PRKD3: variants seen among roughly 807,000 people sequenced by gnomAD.
PRKD3 encodes the protein protein kinase D3.
A neutral mutation model predicts 99.2 loss-of-function variants in PRKD3; 47 were observed. The ratio of observed to expected loss-of-function variants is 0.47; its 90% CI spans 0.38 to 0.60. The LOEUF is 0.60. PRKD3 is among the 20% of genes least tolerant of loss of function. The pLI is 0.00. For synonymous variants in PRKD3, 392 were observed against 355.4 expected (o/e 1.10, Z -1.16); for missense variants, 1,019 against 1,088.4 (o/e 0.94, Z 0.90).
intron 7 of PRKD3, 99 bp from the exon 8 acceptor site, chr2:37,280,028 C>A: frequency 8.6e-6 from 6 of 697,606 alleles, no homozygotes; most frequent in South Asian, 2.2e-5. Flanking sequence ...AAGAAAATAT[C>A]TTTATGAGTT....
At chr2:37,282,867 TATGTC>T (rs1439642064) in intron 6 of PRKD3, among the ~76,000 whole-genome samples, 4 of 152,302 alleles carry the variant, frequency 2.6e-5, no homozygotes, top group Admixed American at 2.6e-4. Context: ...TTCCTTCTCT[TATGTC>T]ATATTCATCT....
chr2:37,256,897 G>T lies in PRKD3; in HGVS notation c.2178C>A (p.Ile726=). 1 of 1,614,012 alleles carries T rather than the reference G, an allele frequency of 6.2e-7. No homozygotes were observed. The change falls in exon 17 of 19, where the codon ATC becomes ATA. Residue 726 remains isoleucine, a synonymous_variant. Transcript: ENST00000234179. ...ATCTCCTGAATGACTTTTCACCAAT[G>T]ATGCGTGCAAATCCAAAGTCACACA... ...VKLCDFGFAR[I]IGEKSFRRSV...
intron 14 of PRKD3, among the ~76,000 whole-genome samples, chr2:37,265,146 G>C (rs902476634): frequency 6.6e-6 from 1 of 152,096 alleles, no homozygotes; most frequent in Non-Finnish European, 1.5e-5. Context: ...TTCAGGTTTG[G>C]GTGATGAGGG....
At chr2:37,312,204 G>A (rs1671456749) in intron 2 of PRKD3, among the ~76,000 whole-genome samples, 1 of 151,800 alleles carries the variant, frequency 6.6e-6, no homozygotes, top group African/African-American at 2.4e-5. Flanking sequence ...GATTTTGTTG[G>A]GAAAAAATAG....
chr2:37,313,916 C>T (rs1671551924), intron 2 of PRKD3, among the ~76,000 whole-genome samples: 1 of 152,024 alleles, frequency 6.6e-6, no homozygotes. Context: ...AGCCAAGGAA[C>T]ATCTGTAAGC....
At chr2:37,269,512 G>T (rs755923605) in intron 13 of PRKD3, 103 bp downstream of exon 13, 1 of 952,800 alleles carries the variant, frequency 1.0e-6, no homozygotes. Flanking sequence ...TAAAAAAAAG[G>T]CACTGGACAA....
At chr2:37,317,348 T>C (rs1487922734) in intron 1 of PRKD3, among the ~76,000 whole-genome samples, 169 bp from the exon 2 acceptor site, 1 of 152,208 alleles carries the variant, frequency 6.6e-6, no homozygotes. Context: ...CTTTTTTTAC[T>C]ATAAGTATAA....
rs759733916 is a variant in PRKD3, at chr2:37,256,639, T to A, written c.2413+23A>T. 1.7e-3 allele frequency: 2,267 copies of A among 1,305,730 alleles called. 3 individuals are homozygous for A. The highest frequency in any genetic ancestry group is 6.6e-3 in the South Asian group (320 of 48,744). 80.9% of individuals were successfully genotyped at this position (1,305,730 alleles called of 1,614,324 possible). ...AACACATAGCCAAAATTTTTTTTTT[T>A]TTTTTTTTTTTTTTTTTTTTACCTT... On this transcript the variant is annotated intron_variant, in intron 17 of 18. Coordinates refer to ENST00000234179, the MANE Select transcript of PRKD3 (RefSeq NM_005813.6).
intron 14 of PRKD3, among the ~76,000 whole-genome samples, chr2:37,264,566 C>A (rs1668699286): frequency 6.6e-6 from 1 of 151,910 alleles, no homozygotes; most frequent in African/African-American, 2.4e-5. Flanking sequence ...GTGGAGGCTT[C>A]ATTGAGGAAA....
At chr2:37,318,715 T>G (rs1294652503) in intron 1 of PRKD3, among the ~76,000 whole-genome samples, 1 of 152,206 alleles carries the variant, frequency 6.6e-6, no homozygotes, top group East Asian at 1.9e-4. Context: ...TACATGAGTT[T>G]GAGTCTCTGG....
intron 2 of PRKD3, among the ~76,000 whole-genome samples, chr2:37,304,677 G>GGTTA (rs1671079351): frequency 6.6e-6 from 1 of 151,348 alleles, no homozygotes; most frequent in Admixed American, 6.6e-5. Flanking sequence ...GGGAGGTGGA[G>GGTTA]GTTACAGCAA....
At chr2:37,319,830 A>G (rs1338122408) in intron 1 of PRKD3, among the ~76,000 whole-genome samples, 4 of 152,240 alleles carry the variant, frequency 2.6e-5, no homozygotes, top group African/African-American at 9.6e-5. Context: ...AAAACCAAAC[A>G]GAATAAGTGG....
Position 37,290,982 on chromosome 2 carries a change from C to T in PRKD3, c.445G>A (p.Asp149Asn). 1.2e-6 allele frequency: 2 copies of T among 1,606,172 alleles called. No individual in the cohort carries two copies. Among genetic ancestry groups the T allele is most frequent in the Non-Finnish European group, 1.7e-6 (2 of 1,176,462 alleles). The change falls in exon 4 of 19, where the codon GAC becomes AAC. Residue 149 changes from aspartate (D) to asparagine (N), a missense_variant. Around this residue, in one of 3 missense-constraint regions of PRKD3, gnomAD observed 710 missense variants for 692.7 expected, o/e 1.02. Transcript: ENST00000234179. ...VVLSALATVE[D>N]FQIRPHTLYV... The stretch of plus-strand genomic sequence containing the variant: ...AGAGTATGTGGACGAATCTGGAAGT[C>T]TTCTACTGTGGCTAAAGCTTTAAAA...
chr2:37,258,435 A>G (rs1445310892), intron 16 of PRKD3, among the ~76,000 whole-genome samples: 1 of 152,218 alleles, frequency 6.6e-6, no homozygotes. Flanking sequence ...TTGGCAACTG[A>G]TTAAAGAAGT....
In PRKD3 at chr2:37,290,929, A is replaced by G. The variant is rs1285932068; in HGVS notation, c.498T>C (p.Thr166=). The G allele has an allele frequency of 6.2e-7, 1 of 1,603,294 alleles. No individual in the cohort carries two copies. The highest frequency in any genetic ancestry group is 8.5e-7 in the Non-Finnish European group (1 of 1,170,038). Reference sequence around the variant, plus strand: ...GCATCTCACCACAGTAATCACAGAAAGTAGGAGCTTTGTAAGAATGTACAT... The same window carrying G: ...GCATCTCACCACAGTAATCACAGAAGGTAGGAGCTTTGTAAGAATGTACAT... ...TLYVHSYKAP[T]FCDYCGEMLW... The change falls in exon 4 of 19, where the codon ACT becomes ACC. Residue 166 remains threonine (T), a synonymous_variant. Transcript: ENST00000234179.
At chr2:37,291,026 C>A (rs369560289) in intron 3 of PRKD3, 27 bp from the exon 4 acceptor site, 1 of 1,578,226 alleles carries the variant, frequency 6.3e-7, no homozygotes, top group East Asian at 2.2e-5. Context: ...TATTACAATA[C>A]ACGTTGTATT....
intron 1 of PRKD3, among the ~76,000 whole-genome samples, chr2:37,322,954 A>AT (rs543447735): frequency 1.0e-3 from 129 of 127,482 alleles, no homozygotes; most frequent in African/African-American, 3.7e-3. Context: ...CCACTGTAGT[A>AT]TTTTCAACTT....
chr2:37,312,283 C>T (rs1417750548), intron 2 of PRKD3, among the ~76,000 whole-genome samples: 2 of 152,124 alleles, frequency 1.3e-5, no homozygotes, highest in Admixed American at 6.5e-5. Flanking sequence ...TTGATTATAA[C>T]TATTTCATCA....
intron 2 of PRKD3, among the ~76,000 whole-genome samples, chr2:37,297,370 G>A (rs1670718877): frequency 6.6e-6 from 1 of 152,004 alleles, no homozygotes; most frequent in South Asian, 2.1e-4. Flanking sequence ...TATAGAAAAT[G>A]TAGACAATAA....
Sources: allele counts gnomAD v4.1 joint callset (sites outside exome capture counted in the v4.1 genomes callset), GRCh38; gene constraint gnomAD v4.1.1; regional missense constraint gnomAD v4.1.1; transcripts MANE v1.5; gene names NCBI Gene and HGNC (gene_info 2026-07-23, HGNC 2026-07-21).